TENM2: variants seen among roughly 807,000 people sequenced by gnomAD.
TENM2 encodes the protein teneurin-2.
In TENM2, 52 loss-of-function variants were observed where a neutral mutation model predicts 245.2. The ratio of observed to expected loss-of-function variants is 0.21; its 90% confidence interval spans 0.17 to 0.27. The LOEUF (loss-of-function observed/expected upper bound fraction) is 0.27. Among genes scored for constraint, TENM2 ranks in the 10% least tolerant of loss-of-function variants. TENM2 has a pLI of 1.00. For synonymous variants in TENM2, 1,363 were observed against 1,438.9 expected (o/e 0.95, Z 1.19); for missense variants, 3,046 against 3,666.8 (o/e 0.83, Z 4.37).
At chr5:167,493,783 T>C (rs990841483) in intron 2 of TENM2, among the ~76,000 whole-genome samples, 16 of 152,034 alleles carry the variant, frequency 1.1e-4, no homozygotes, top group African/African-American at 2.9e-4. Flanking sequence ...TGTTCATATA[T>C]CTATAACAGG....
At chr5:167,571,910 C>G (rs913188635) in intron 2 of TENM2, among the ~76,000 whole-genome samples, 2 of 152,214 alleles carry the variant, frequency 1.3e-5, no homozygotes, top group African/African-American at 4.8e-5. Flanking sequence ...CCAATACACT[C>G]TGCAAAATGT....
chr5:168,227,332 T>TG (rs1183456701), intron 24 of TENM2, among the ~76,000 whole-genome samples: 1 of 151,986 alleles, frequency 6.6e-6, no homozygotes, highest in African/African-American at 2.4e-5. Flanking sequence ...TTCTCTTGAG[T>TG]GGGGGTGGTA....
intron 2 of TENM2, among the ~76,000 whole-genome samples, chr5:167,705,583 G>A (rs185191250): frequency 1.7e-3 from 264 of 152,216 alleles, no homozygotes; most frequent in Admixed American, 3.5e-3. Context: ...GGCTGTGGTG[G>A]GGAGGGGAAA....
At chr5:168,011,346 G>C (rs921220856) in intron 5 of TENM2, among the ~76,000 whole-genome samples, 2 of 152,076 alleles carry the variant, frequency 1.3e-5, no homozygotes, top group African/African-American at 4.8e-5. Flanking sequence ...ACATTTATTT[G>C]GCAGTGTCTG....
the TENM2 span, among the ~76,000 whole-genome samples, chr5:166,995,031 C>A: frequency 3.3e-5 from 5 of 152,106 alleles, no homozygotes; most frequent in African/African-American, 1.2e-4. Context: ...GTTTCAGACA[C>A]TTACTTGAGA....
At chr5:167,347,683 A>T (rs570689431) in intron 1 of TENM2, among the ~76,000 whole-genome samples, 3 of 146,820 alleles carry the variant, frequency 2.0e-5, no homozygotes, top group African/African-American at 8.1e-5. Flanking sequence ...TTATTTTTTT[A>T]TCCTTTCTTT....
intron 9 of TENM2, among the ~76,000 whole-genome samples, chr5:168,105,432 G>C (rs1393349217): frequency 3.9e-5 from 6 of 152,186 alleles, no homozygotes; most frequent in Non-Finnish European, 8.8e-5. Context: ...GGGAAGGCAG[G>C]AAGGGGAACC....
At chr5:167,721,472 C>G (rs1759625748) in intron 2 of TENM2, 1 of 152,172 alleles carries the variant, frequency 6.6e-6, no homozygotes, top group Non-Finnish European at 1.5e-5. Flanking sequence ...TCGTCTCTTT[C>G]TGGAGCACAT....
At chr5:167,955,324 T>A (rs547828710) in intron 4 of TENM2, among the ~76,000 whole-genome samples, 1 of 152,132 alleles carries the variant, frequency 6.6e-6, no homozygotes, top group South Asian at 2.1e-4. Flanking sequence ...GTTTGTTTTT[T>A]TCTTGTAAAT....
chr5:167,308,839 G>T (rs955687055), intron 1 of TENM2, among the ~76,000 whole-genome samples: 2 of 152,096 alleles, frequency 1.3e-5, no homozygotes, highest in Non-Finnish European at 2.9e-5. Context: ...AGTTTCTAAC[G>T]TGAAGACACA....
At chr5:167,123,782 A>G in the TENM2 span, among the ~76,000 whole-genome samples, 2 of 152,264 alleles carry the variant, frequency 1.3e-5, no homozygotes, top group African/African-American at 4.8e-5. Context: ...TTATACAGGT[A>G]TATGCAGAAA....
chr5:167,630,802 T>A (rs924994558), intron 2 of TENM2, among the ~76,000 whole-genome samples: 1 of 152,198 alleles, frequency 6.6e-6, no homozygotes. Flanking sequence ...ACAGGAGAGA[T>A]ACTTGGAGCT....
chr5:167,352,242 A>G (rs956715851), intron 1 of TENM2, among the ~76,000 whole-genome samples: 2 of 152,044 alleles, frequency 1.3e-5, no homozygotes, highest in African/African-American at 4.8e-5. Flanking sequence ...ACTCTTTCCT[A>G]TTTTTCCACA....
In TENM2 at chr5:167,520,623, A is replaced by T. The variant is rs1293262184; in HGVS notation, c.502+145150A>T. On this transcript the variant is annotated intron_variant, in intron 2 of 28. Coordinates refer to ENST00000518659, the Ensembl canonical transcript of TENM2. ...GATTGTTCCTGATACCAAAAGGTTG[A>T]AGAGACTTCTGCAGAATAGAGTTTA... is the stretch of plus-strand genomic sequence containing the variant. Among the ~76,000 whole-genome samples, 3 of 152,114 alleles carry T rather than the reference A, an allele frequency of 2.0e-5. No homozygotes were observed. In the East Asian group the frequency reaches 5.8e-4, roughly 29 times the overall value.
At chr5:166,979,185 G>GCACCACCAC in the TENM2 span, among the ~76,000 whole-genome samples, 2 of 137,774 alleles carry the variant, frequency 1.5e-5, no homozygotes, top group African/African-American at 5.2e-5. Flanking sequence ...AGCAGCAGCA[G>GCACCACCAC]CACCACCACC....
the TENM2 span, among the ~76,000 whole-genome samples, chr5:167,090,242 A>T: frequency 7.3e-3 from 752 of 102,664 alleles, 4 homozygotes; most frequent in Non-Finnish European, 0.012. Flanking sequence ...CAGAATTCTT[A>T]AAAAAAAAAG....
intron 3 of TENM2, among the ~76,000 whole-genome samples, chr5:167,895,447 A>G (rs951050403): frequency 2.0e-5 from 3 of 152,222 alleles, no homozygotes; most frequent in African/African-American, 7.2e-5. Flanking sequence ...GAGTTTAGCT[A>G]ACTTGACCAA....
intron 2 of TENM2, among the ~76,000 whole-genome samples, chr5:167,467,302 G>T (rs972689097): frequency 6.6e-6 from 1 of 152,030 alleles, no homozygotes; most frequent in Admixed American, 6.6e-5. Context: ...TGAGGAAGGT[G>T]ACTGCTTCCC....
In TENM2 at chr5:167,381,695, G is replaced by C. The variant is rs1761106165; in HGVS notation, c.502+6222G>C. 3.3e-5 allele frequency among the ~76,000 whole-genome samples: 5 copies of C among 152,216 alleles called. 1 individual carries two copies. The South Asian group carries it at 1.0e-3, about 32-fold the overall frequency. On this transcript the variant is annotated intron_variant, in intron 2 of 28. Transcript: ENST00000518659. ...CAGGCTACACTGTTGTTTAAGGTCT[G>C]ACTTAGCCTTTGTAGTCCCTTGAGT...
Sources: gnomAD v4.1 joint callset for allele counts (sites outside exome capture counted in the v4.1 genomes callset) on GRCh38, gnomAD v4.1.1 for gene constraint, MANE v1.5 for transcripts, NCBI Gene and HGNC (gene_info 2026-07-23, HGNC 2026-07-21) for gene names.